Variants in JAKMIP3 observed in about 807,000 individuals in gnomAD.
JAKMIP3 encodes the protein janus kinase and microtubule-interacting protein 3.
Under a neutral mutation model 118.5 loss-of-function variants are expected in JAKMIP3, and 58 were observed. That is an observed-to-expected ratio of 0.49 (90% CI 0.40 to 0.61). The LOEUF (loss-of-function observed/expected upper bound fraction) is 0.61. JAKMIP3 is among the 20% of genes least tolerant of loss of function. The pLI is 0.00. For synonymous variants in JAKMIP3, 486 were observed against 451.2 expected, an observed-to-expected ratio of 1.08 and a Z score of -0.98; for missense variants, 950 against 1,109.0, an observed-to-expected ratio of 0.86 and a Z score of 2.04.
chr10:132,068,837 C>T (rs1371724680), intron 1 of JAKMIP3, among the ~76,000 whole-genome samples: 1 of 152,156 alleles, frequency 6.6e-6, no homozygotes, highest in Non-Finnish European at 1.5e-5. Context: ...CAAGCAAGCA[C>T]AGCTGGCAGG....
At position 132,140,551 on chromosome 10, in the gene JAKMIP3, C is replaced by T. The variant is rs759834774; in HGVS notation, c.1445C>T (p.Pro482Leu). The T allele has an allele frequency of 1.9e-6, 3 of 1,609,798 alleles. No homozygotes were observed. Among genetic ancestry groups the T allele is most frequent in the South Asian group, 2.2e-5 (2 of 90,560 alleles). ...CAAACAGACAGGACGGACCAGACCC[C>T]GTGCACCCCGGACGATGACTTGGAG... is the stretch of plus-strand genomic sequence containing the variant. ...SYQTDRTDQTPCTPDDDLEEG... is the reference protein window; with the variant it reads ...SYQTDRTDQTLCTPDDDLEEG... Residue 482 changes from proline to leucine, a missense_variant, in exon 10 of 24, where the codon CCG (proline) becomes CTG (leucine). Pro to Leu is a moderately conservative substitution (Grantham distance 98). Transcript: ENST00000684848.
chr10:132,040,553 TATTCA>T (rs539160325), intron 1 of JAKMIP3, among the ~76,000 whole-genome samples: 92 of 152,304 alleles, frequency 6.0e-4, no homozygotes, highest in Non-Finnish European at 2.2e-4. Flanking sequence ...ATTTTTTTAC[TATTCA>T]ATTGTTTCTT....
rs1051881695 is a variant in JAKMIP3 at position 132,112,957 on chromosome 10, C to T, written c.136-4120C>T. ...AAAATAGACAGTTCTCATCAGAGAG[C>T]ATGCACAGCTAGGGTTTGAAAGACT... On this transcript the variant is annotated intron_variant, in intron 2 of 23. Coordinates refer to ENST00000684848, the MANE Select transcript of JAKMIP3 (RefSeq NM_001323087.2). This position sits in a 1 kb window ranked among gnomAD's most constrained non-coding sequence, Gnocchi z 4.3. Among the ~76,000 whole-genome samples the T allele has an allele frequency of 6.6e-6, 1 of 152,188 alleles. No individual in the cohort carries two copies. Among genetic ancestry groups the T allele is most frequent in the Non-Finnish European group, 1.5e-5 (1 of 68,032 alleles).
chr10:132,097,989 C>CCCCATT (rs2044248371), intron 1 of JAKMIP3, among the ~76,000 whole-genome samples: 1 of 78,284 alleles, frequency 1.3e-5, no homozygotes, highest in Admixed American at 1.4e-4. Flanking sequence ...CCTTCCCCTT[C>CCCCATT]CCCTTCCCCT....
At chr10:132,136,514 C>T (rs1292353615) in intron 6 of JAKMIP3, among the ~76,000 whole-genome samples, 2 of 152,168 alleles carry the variant, frequency 1.3e-5, no homozygotes, top group Admixed American at 6.5e-5. Flanking sequence ...AGTGGGGGGC[C>T]GTCAGCCGGT....
intron 1 of JAKMIP3, among the ~76,000 whole-genome samples, chr10:132,043,721 G>C (rs1465424398): frequency 1.3e-5 from 2 of 152,176 alleles, no homozygotes; most frequent in Non-Finnish European, 2.9e-5. Context: ...AGGAGGGCTG[G>C]GGGGAGCGGG....
rs867719129 is a variant in JAKMIP3 at position 132,049,080 on chromosome 10, A to G, written c.-138+12342A>G. ...CTGCTGGTCCCGGCCGACTCCATCA[A>G]GTTAATTGACCTTTTTGCCTGGAAG... On this transcript the variant is annotated intron_variant, in intron 1 of 23. Coordinates refer to the JAKMIP3 transcript ENST00000657785. This position sits in a 1 kb window ranked among gnomAD's most constrained non-coding sequence, Gnocchi z 4.3. Among the ~76,000 whole-genome samples the G allele has an allele frequency of 6.6e-6, 1 of 151,994 alleles. No homozygotes were observed. The highest frequency in any genetic ancestry group is 6.6e-5 in the Admixed American group (1 of 15,260).
intron 14 of JAKMIP3, 137 bp from the exon 15 acceptor site, chr10:132,149,275 T>C: frequency 4.9e-6 from 3 of 611,660 alleles, no homozygotes; most frequent in Admixed American, 3.0e-5. Context: ...CTGCTGCCGC[T>C]GCGGTTTGGT....
At position 132,112,397 on chromosome 10, in the gene JAKMIP3, C is replaced by T. The variant is rs558800245; in HGVS notation, c.136-4680C>T. Among the ~76,000 whole-genome samples, 2 of 152,256 alleles carry T rather than the reference C, an allele frequency of 1.3e-5. No individual in the cohort carries two copies. The highest frequency in any genetic ancestry group is 1.9e-4 in the East Asian group (1 of 5,178). On this transcript the variant is annotated intron_variant, in intron 2 of 23. Coordinates refer to ENST00000684848, the MANE Select transcript of JAKMIP3 (RefSeq NM_001323087.2). The surrounding 1 kb of genome is among the most constrained non-coding windows in gnomAD (Gnocchi z 4.3). ...CAGCTGGGAAGCCCAGAGAGGGCAG[C>T]GAGGAGGCCATACTCTTGGACTTCA...
At chr10:132,171,145 G>A (rs910913270) in intron 23 of JAKMIP3, among the ~76,000 whole-genome samples, 19 of 152,350 alleles carry the variant, frequency 1.2e-4, no homozygotes, top group East Asian at 5.8e-4. Flanking sequence ...GTTACGGAGC[G>A]GGGACTTTGG....
rs1195454959 is a variant in JAKMIP3, at chr10:132,180,626, CGT to C, written c.*1104-1725_*1104-1724del. On this transcript the variant is annotated intron_variant, in intron 23 of 23. Coordinates refer to ENST00000684848, the MANE Select transcript of JAKMIP3 (RefSeq NM_001323087.2). ...GCGCGTGTGTGTGTGCGTGTGTGTG[CGT>C]GTGTGCGTGCGTGTGTGCGTGTGCG... Among the ~76,000 whole-genome samples the C allele has an allele frequency of 0.024, 553 of 23,352 alleles. 127 individuals carry two copies. The East Asian group carries it at 0.42, about 18-fold the overall frequency. 15.3% of individuals were successfully genotyped at this position (23,352 alleles called of 152,430 possible).
At chr10:132,152,935 C>G (rs1180916462) in intron 16 of JAKMIP3, 23 bp from the exon 17 acceptor site, 1 of 1,587,240 alleles carries the variant, frequency 6.3e-7, no homozygotes. Flanking sequence ...CTGACCGCAC[C>G]TGTGTTCTGC....
chr10:132,073,600 G>T (rs115395576), intron 1 of JAKMIP3, among the ~76,000 whole-genome samples: 2,248 of 151,196 alleles, frequency 0.015, 62 homozygotes, highest in African/African-American at 0.052. Context: ...GGGCTCAAGC[G>T]ATTCTCCTAC....
intron 3 of JAKMIP3, among the ~76,000 whole-genome samples, chr10:132,131,340 G>A (rs2050538857): frequency 6.6e-6 from 1 of 151,370 alleles, no homozygotes; most frequent in Non-Finnish European, 1.5e-5. Context: ...GAGAGACACA[G>A]GACTTAACGA....
chr10:132,098,147 C>T (rs10870246), intron 1 of JAKMIP3, among the ~76,000 whole-genome samples: 92,414 of 151,022 alleles, frequency 0.61, 28,549 homozygotes, highest in East Asian at 0.71. Context: ...GCGATCCTCC[C>T]GCCTCAGCCT....
chr10:132,095,913 A>G (rs577071112), intron 1 of JAKMIP3, among the ~76,000 whole-genome samples: 13 of 152,046 alleles, frequency 8.6e-5, no homozygotes, highest in Non-Finnish European at 1.5e-4. Context: ...GCTCTGCCCA[A>G]TGCCCTGAGT....
In JAKMIP3 at chr10:132,168,870, AGGCCATGGACCCCGGCG is replaced by A. The variant is rs138460396; in HGVS notation, c.*944_*960del. 71,334 of 175,224 alleles carry A rather than the reference AGGCCATGGACCCCGGCG, an allele frequency of 0.41. 16,905 individuals carry two copies. The highest frequency in any genetic ancestry group is 0.54 in the Admixed American group (9,991 of 18,380). The allele number at this position is 175,224 out of a possible 1,614,324, so 10.9% of individuals were successfully genotyped here. On this transcript the variant is annotated 3_prime_UTR_variant, in exon 23 of 24. Coordinates refer to ENST00000684848, the MANE Select transcript of JAKMIP3 (RefSeq NM_001323087.2). ...AAGCCCCTGCACGGGCCAGCCCTGCAGGCCATGGACCCCGGCGGGCACCGAAGCCTCACCCCAAGCCT... is the reference window on the plus strand; with the variant it reads ...AAGCCCCTGCACGGGCCAGCCCTGCAGGCACCGAAGCCTCACCCCAAGCCT...
chr10:132,101,112 C>A (rs958847197), intron 1 of JAKMIP3, among the ~76,000 whole-genome samples: 21 of 152,332 alleles, frequency 1.4e-4, no homozygotes, highest in Middle Eastern at 3.4e-3. Flanking sequence ...GGACTTGAAT[C>A]TGTTCGGAGG....
chr10:132,180,568 CGT>C (rs1211647270), intron 23 of JAKMIP3, among the ~76,000 whole-genome samples: 1,363 of 22,268 alleles, frequency 0.061, 317 homozygotes, highest in East Asian at 0.21. Flanking sequence ...CGTGTGTGTG[CGT>C]GTGTGTGTGC....
Sources: gnomAD v4.1 joint callset for allele counts (sites outside exome capture counted in the v4.1 genomes callset) on GRCh38, gnomAD v4.1.1 for gene constraint, Gnocchi (gnomAD v3.1) non-coding constraint, MANE v1.5 for transcripts, NCBI Gene and HGNC (gene_info 2026-07-23, HGNC 2026-07-21) for gene names.